The following SVOP variants were observed in gnomAD, a reference collection of about 807,000 sequenced individuals.
The protein encoded by SVOP is SV2 related protein, also known as synaptic vesicle 2-related protein.
A neutral mutation model predicts 69.1 loss-of-function variants in SVOP; 17 were observed. That is an observed-to-expected ratio of 0.25 (90% confidence interval 0.17 to 0.37). The LOEUF (loss-of-function observed/expected upper bound fraction) is 0.37, where lower values mean the gene tolerates loss of function less well. Ranked by LOEUF, SVOP falls within the 10% of genes least tolerant of loss-of-function variation. SVOP has a pLI of 1.00. For missense variants in SVOP, 435 were observed against 597.5 expected (o/e 0.73, Z 2.84); for synonymous variants, 238 against 238.6 (o/e 1.00, Z 0.02).
intron 11 of SVOP, among the ~76,000 whole-genome samples, chr12:108,923,105 G>T (rs921342321): frequency 1.5e-4 from 23 of 152,220 alleles, no homozygotes; most frequent in Admixed American, 2.6e-4. Context: ...GCACTTTAGT[G>T]GCAGACAGAC....
chr12:109,004,791 G>A (rs1165560706), intron 1 of SVOP, among the ~76,000 whole-genome samples: 1 of 151,880 alleles, frequency 6.6e-6, no homozygotes, highest in Non-Finnish European at 1.5e-5. Context: ...AGGCTGGAGT[G>A]CAGTGGCCCA....
intron 1 of SVOP, among the ~76,000 whole-genome samples, chr12:108,989,805 A>G (rs947942144): frequency 3.3e-5 from 5 of 152,250 alleles, no homozygotes; most frequent in Non-Finnish European, 7.3e-5. Flanking sequence ...GTAAAGCACG[A>G]GACAAATGTG....
intron 1 of SVOP, among the ~76,000 whole-genome samples, chr12:109,011,459 A>G (rs2040341148): frequency 6.6e-6 from 1 of 152,042 alleles, no homozygotes; most frequent in African/African-American, 2.4e-5. Flanking sequence ...TTGTCTAGGG[A>G]TCCTCCCCCT....
At chr12:109,005,789 A>T (rs971190332) in intron 1 of SVOP, among the ~76,000 whole-genome samples, 1 of 152,116 alleles carries the variant, frequency 6.6e-6, no homozygotes, top group Non-Finnish European at 1.5e-5. Context: ...CCACACAAAT[A>T]GGGGAGGAGT....
intron 1 of SVOP, among the ~76,000 whole-genome samples, chr12:109,019,675 A>G (rs1225537334): frequency 6.6e-6 from 1 of 152,216 alleles, no homozygotes; most frequent in Non-Finnish European, 1.5e-5. Context: ...ATAATGCTGT[A>G]TTACATAATC....
chr12:108,996,634 G>T (rs1391119506), intron 1 of SVOP, among the ~76,000 whole-genome samples: 1 of 152,018 alleles, frequency 6.6e-6, no homozygotes, highest in African/African-American at 2.4e-5. Context: ...GAGCTTGTTA[G>T]AAAGGCAGAA....
chr12:108,946,470 G>A (rs1018882904), intron 6 of SVOP, among the ~76,000 whole-genome samples: 1 of 151,870 alleles, frequency 6.6e-6, no homozygotes, highest in Non-Finnish European at 1.5e-5. Context: ...GTAAGAAAGA[G>A]ATTTTCCTTC....
chr12:108,977,684 T>C (rs992173234), intron 3 of SVOP, among the ~76,000 whole-genome samples, 188 bp from the exon 4 acceptor site: 2 of 152,230 alleles, frequency 1.3e-5, no homozygotes, highest in African/African-American at 4.8e-5. Context: ...ATTGCAGGAA[T>C]AGACAAATAG....
chr12:108,971,249 T>C (rs1404417682), intron 5 of SVOP, among the ~76,000 whole-genome samples: 4 of 151,950 alleles, frequency 2.6e-5, no homozygotes, highest in Non-Finnish European at 5.9e-5. Flanking sequence ...GCCAACATGG[T>C]GAAACCCTGT....
Position 108,912,108 on chromosome 12 carries a change from G to T in SVOP, c.*427C>A. On this transcript the variant is annotated 3_prime_UTR_variant, in exon 16 of 16. Transcript: ENST00000610966. ...AAAGCCTGGGGCTGTGAGTGTGGGA[G>T]AAACCTACTGAACAGGTCCGGTGGG... The T allele has an allele frequency of 1.1e-6, 1 of 895,928 alleles. No homozygotes were observed. The highest frequency in any genetic ancestry group is 1.3e-6 in the Non-Finnish European group (1 of 741,972). The allele number at this position is 895,928 out of a possible 1,614,324, so 55.5% of individuals were successfully genotyped here.
intron 1 of SVOP, among the ~76,000 whole-genome samples, chr12:108,988,250 C>T (rs78477880): frequency 0.89 from 135,362 of 152,168 alleles, 61,317 homozygotes; most frequent in Non-Finnish European, 0.99. Flanking sequence ...TGATGTAGCC[C>T]GATATATCTA....
chr12:108,920,828 C>T (rs2039744275), intron 12 of SVOP, among the ~76,000 whole-genome samples: 1 of 152,094 alleles, frequency 6.6e-6, no homozygotes, highest in Non-Finnish European at 1.5e-5. Context: ...AACTCCTGAC[C>T]TCAGGTAATC....
chr12:108,967,414 G>A (rs1451139649), intron 5 of SVOP, among the ~76,000 whole-genome samples: 3 of 152,050 alleles, frequency 2.0e-5, no homozygotes, highest in Admixed American at 6.5e-5. Context: ...CAGGAGAATC[G>A]CTTGAACCTG....
At chr12:108,982,300 C>T (rs2040140663) in intron 2 of SVOP, among the ~76,000 whole-genome samples, 1 of 151,372 alleles carries the variant, frequency 6.6e-6, no homozygotes, top group African/African-American at 2.4e-5. Context: ...TCATCACCAC[C>T]ACCACCATCA....
At chr12:108,951,131 T>G (rs2039951648) in intron 6 of SVOP, among the ~76,000 whole-genome samples, 1 of 152,196 alleles carries the variant, frequency 6.6e-6, no homozygotes, top group Non-Finnish European at 1.5e-5. Context: ...ACAGGCTTTG[T>G]GTATAAGCTC....
In SVOP at chr12:108,995,280, T is replaced by C. The variant is rs531353948; in HGVS notation, c.36-11519A>G. Among the ~76,000 whole-genome samples the C allele has an allele frequency of 2.0e-5, 3 of 152,100 alleles. No individual in the cohort carries two copies. In the South Asian group the frequency reaches 6.2e-4, roughly 32 times the overall value. On this transcript the variant is annotated intron_variant, in intron 1 of 15. Transcript: ENST00000610966. Reference sequence around the variant, plus strand: ...CCAACAGATAAATGGATAAACAAAATGTGAACAATATATACAATAGAATAT... The same window carrying C: ...CCAACAGATAAATGGATAAACAAAACGTGAACAATATATACAATAGAATAT...
intron 6 of SVOP, among the ~76,000 whole-genome samples, chr12:108,957,839 G>A (rs2039994225): frequency 6.6e-6 from 1 of 152,252 alleles, no homozygotes; most frequent in African/African-American, 2.4e-5. Flanking sequence ...GGAAGCAGAG[G>A]TGGGAGACAT....
At chr12:108,928,253 G>C (rs188537379) in intron 11 of SVOP, among the ~76,000 whole-genome samples, 1 of 151,792 alleles carries the variant, frequency 6.6e-6, no homozygotes, top group Non-Finnish European at 1.5e-5. Flanking sequence ...CTTTTGTCAG[G>C]CTCCTCTGAG....
intron 11 of SVOP, among the ~76,000 whole-genome samples, chr12:108,924,665 C>T (rs571743781): frequency 1.2e-4 from 18 of 152,204 alleles, no homozygotes; most frequent in Admixed American, 3.3e-4. Flanking sequence ...TACCAGGCAC[C>T]TAGCTAGCCT....
Sources: gnomAD v4.1 joint callset for allele counts (sites outside exome capture counted in the v4.1 genomes callset) on GRCh38, gnomAD v4.1.1 for gene constraint, MANE v1.5 for transcripts, NCBI Gene and HGNC (gene_info 2026-07-23, HGNC 2026-07-21) for gene names.